Variants in PFKFB2 observed in about 807,000 individuals in gnomAD.
PFKFB2 encodes the protein 6-phosphofructo-2-kinase/fructose-2,6-bisphosphatase 2.
In PFKFB2, 53 loss-of-function variants were observed where a neutral mutation model predicts 68.0. The observed-to-expected ratio is 0.78, with a 90% CI of 0.63 to 0.98. PFKFB2 has a LOEUF of 0.98. Among genes scored for constraint, PFKFB2 ranks in the 50% least tolerant of loss-of-function variants. The pLI, the probability that PFKFB2 is intolerant of heterozygous loss-of-function variation, is 0.00. For missense variants in PFKFB2, 451 were observed against 642.0 expected (o/e 0.70, Z 3.22); for synonymous variants, 222 against 227.6 (o/e 0.98, Z 0.22).
chr1:207,070,424 G>C lies in PFKFB2; in HGVS notation c.1222+15G>C. On this transcript the variant is annotated intron_variant, in intron 12 of 14. Transcript: ENST00000367080. This position sits in a 1 kb window ranked among gnomAD's most constrained non-coding sequence, Gnocchi z 4.2. ...TAAGGGCGCAGGTGCCTTTGAGGGAGGGGCTGGGAGACACATCCAGTGGGA... is the reference window on the plus strand; with the variant it reads ...TAAGGGCGCAGGTGCCTTTGAGGGACGGGCTGGGAGACACATCCAGTGGGA... 1 of 1,612,432 alleles carries C rather than the reference G, an allele frequency of 6.2e-7. No individual in the cohort carries two copies.
intron 4 of PFKFB2, 150 bp downstream of exon 4, chr1:207,062,866 T>C (rs1025982726): frequency 1.8e-5 from 14 of 793,738 alleles, no homozygotes; most frequent in Non-Finnish European, 2.7e-5. Flanking sequence ...TGGGCTTGGG[T>C]GGTCAGAAGA....
intron 2 of PFKFB2, among the ~76,000 whole-genome samples, chr1:207,058,616 A>C (rs1285949092): frequency 6.6e-6 from 1 of 152,144 alleles, no homozygotes; most frequent in Non-Finnish European, 1.5e-5. Flanking sequence ...TTTTTTTAAA[A>C]TACATTTATT....
Position 207,067,503 on chromosome 1 carries a change from C to G in PFKFB2, c.637C>G (p.Leu213Val), listed in dbSNP as rs1456928197. 1 of 1,610,342 alleles carries G rather than the reference C, an allele frequency of 6.2e-7. No homozygotes were observed. Among genetic ancestry groups the G allele is most frequent in the South Asian group, 1.1e-5 (1 of 90,734 alleles). Residue 213 changes from leucine (L) to valine (V), a missense_variant, in exon 9 of 15, where the codon CTT becomes GTT. Leu to Val is a conservative substitution (Grantham distance 32). Coordinates refer to ENST00000367080, the MANE Select transcript of PFKFB2 (RefSeq NM_006212.2). ...PLDPDNYDKDLSFIKVINVGQ... is the reference protein window; with the variant it reads ...PLDPDNYDKDVSFIKVINVGQ... ...TTTTTTCCTTTCCTGTCCCAGGGAT[C>G]TTTCTTTCATCAAGGTGATAAACGT...
At chr1:207,050,279 G>A (rs1682705085), upstream of PFKFB2, among the ~76,000 whole-genome samples, 2 of 152,054 alleles carry the variant, frequency 1.3e-5, no homozygotes, top group Non-Finnish European at 1.5e-5. Flanking sequence ...TATCTACGAA[G>A]GGGACTGCAA....
At chr1:207,062,421 G>T (rs888135906) in intron 3 of PFKFB2, 199 bp from the exon 4 acceptor site, 2 of 775,230 alleles carry the variant, frequency 2.6e-6, no homozygotes, top group Non-Finnish European at 2.1e-6. Flanking sequence ...ACCTCAGACA[G>T]CTTAAGACTT....
chr1:207,076,261 T>G lies in PFKFB2; in HGVS notation c.*3890T>G. The G allele has an allele frequency of 1.0e-6, 1 of 979,764 alleles. No homozygotes were observed. Among genetic ancestry groups the G allele is most frequent in the Non-Finnish European group, 1.2e-6 (1 of 825,162 alleles). 60.7% of individuals were successfully genotyped at this position (979,764 alleles called of 1,614,324 possible). A position where few individuals can be genotyped will look rare whatever the true frequency, so the allele number is the denominator to read the frequency against. On this transcript the variant is annotated 3_prime_UTR_variant, in exon 15 of 15. Transcript: ENST00000367080. ...ATGTTACTTTTTTTTTCTTTTTTTT[T>G]TTTTTTTATGAGCAGGAGATCTTAA...
chr1:207,048,897 T>C, upstream of PFKFB2: 1 of 908,474 alleles, frequency 1.1e-6, no homozygotes, highest in South Asian at 1.7e-5. Flanking sequence ...TTAGTGGTTT[T>C]AAGTTAAAAG....
At chr1:207,038,667 T>C (rs1206350542) in intron 1 of PFKFB2, among the ~76,000 whole-genome samples, 1 of 152,204 alleles carries the variant, frequency 6.6e-6, no homozygotes, top group Non-Finnish European at 1.5e-5. Context: ...CAATTATTCT[T>C]TTCATAGCAT....
At chr1:207,041,149 G>A (rs558500428) in intron 1 of PFKFB2, among the ~76,000 whole-genome samples, 95 of 151,486 alleles carry the variant, frequency 6.3e-4, no homozygotes, top group Non-Finnish European at 1.3e-3. Flanking sequence ...GGATGGTCTC[G>A]ATCTCCTGAC....
chr1:207,062,813 T>A, intron 4 of PFKFB2, 97 bp downstream of exon 4: 1 of 1,199,976 alleles, frequency 8.3e-7, no homozygotes, highest in South Asian at 1.4e-5. Context: ...GTAAATATCT[T>A]AAGGGGAAGT....
At chr1:207,062,159 C>T (rs1683138311) in intron 3 of PFKFB2, 81 bp downstream of exon 3, 1 of 1,584,452 alleles carries the variant, frequency 6.3e-7, no homozygotes, top group South Asian at 1.1e-5. Flanking sequence ...TTCTTCCTGG[C>T]ATCAATGCTA....
intron 1 of PFKFB2, among the ~76,000 whole-genome samples, chr1:207,039,301 T>C (rs568721536): frequency 6.6e-6 from 1 of 152,312 alleles, no homozygotes; most frequent in African/African-American, 2.4e-5. Context: ...TACAAAACAG[T>C]TAAGTCATAG....
At chr1:207,044,294 A>C (rs1682541706) in intron 2 of PFKFB2, 2 of 152,556 alleles carry the variant, frequency 1.3e-5, no homozygotes, top group South Asian at 4.1e-4. Flanking sequence ...GGCTGAATTC[A>C]AATTTTTTTC....
Position 207,042,625 on chromosome 1 carries a change from A to G in PFKFB2, c.-18+413A>G, listed in dbSNP as rs556549743. 6.8e-4 allele frequency among the ~76,000 whole-genome samples: 102 copies of G among 149,900 alleles called. 1 individual carries two copies. Among genetic ancestry groups the G allele is most frequent in the African/African-American group, 2.3e-3 (95 of 40,898 alleles). ...CCTGCTCTTTCAAGTATTAAAATGC[A>G]GCTATTTTTGCAACCTAAGCCATAG... On this transcript the variant is annotated intron_variant, in intron 2 of 5. Coordinates refer to the PFKFB2 transcript ENST00000545806.
intron 2 of PFKFB2, chr1:207,047,970 A>G (rs143485437): frequency 2.5e-3 from 374 of 152,346 alleles, no homozygotes; most frequent in African/African-American, 8.5e-3. Context: ...GGTGTGCAAA[A>G]AATCTTACAA....
Position 207,064,931 on chromosome 1 carries a change from C to G in PFKFB2, c.508-105C>G, listed in dbSNP as rs529879403. On this transcript the variant is annotated intron_variant, in intron 7 of 14. Coordinates refer to ENST00000367080, the MANE Select transcript of PFKFB2 (RefSeq NM_006212.2). ...GGAGTGCCAATGTTCCAGTGAAAGG[C>G]GACATTTATGGACTTCTTTTTCTTT... is the stretch of plus-strand genomic sequence containing the variant. 3.8e-6 allele frequency: 5 copies of G among 1,320,180 alleles called. No homozygotes were observed. The East Asian group carries it at 1.2e-4, about 32-fold the overall frequency. 81.8% of individuals were successfully genotyped at this position (1,320,180 alleles called of 1,614,324 possible).
At chr1:207,038,174 C>T (rs1682414344) in intron 1 of PFKFB2, among the ~76,000 whole-genome samples, 1 of 152,196 alleles carries the variant, frequency 6.6e-6, no homozygotes, top group Non-Finnish European at 1.5e-5. Flanking sequence ...CAGGAATAAA[C>T]TTCATTGACT....
At chr1:207,052,348 G>A, upstream of PFKFB2, 1 of 884,230 alleles carries the variant, frequency 1.1e-6, no homozygotes, top group Admixed American at 2.1e-5. Flanking sequence ...AGGTAGGAGG[G>A]AAGGTAGGAG....
At position 207,076,008 on chromosome 1, in the gene PFKFB2, G is replaced by A; in HGVS notation, c.*3637G>A. 1.0e-6 allele frequency: 1 copy of A among 985,288 alleles called. No individual in the cohort carries two copies. The highest frequency in any genetic ancestry group is 1.2e-6 in the Non-Finnish European group (1 of 829,900). The allele number at this position is 985,288 out of a possible 1,614,324, so 61.0% of individuals were successfully genotyped here. A position where few individuals can be genotyped will look rare whatever the true frequency, so the allele number is the denominator to read the frequency against. Reference sequence around the variant, plus strand: ...CTTCTAAAAACTTGCATTGTGCTAGGGATCTGCCCTATATCTTTGCCTCTG... The same window carrying A: ...CTTCTAAAAACTTGCATTGTGCTAGAGATCTGCCCTATATCTTTGCCTCTG... On this transcript the variant is annotated 3_prime_UTR_variant, in exon 15 of 15. Transcript: ENST00000367080.
Sources: allele counts gnomAD v4.1 joint callset (sites outside exome capture counted in the v4.1 genomes callset), GRCh38; gene constraint gnomAD v4.1.1; non-coding constraint Gnocchi (gnomAD v3.1); transcripts MANE v1.5; gene names NCBI Gene and HGNC (gene_info 2026-07-23, HGNC 2026-07-21).